The following LRP6 variants were observed in gnomAD, a reference collection of about 807,000 sequenced individuals.
LRP6 encodes the protein LDL receptor related protein 6.
Under a neutral mutation model 184.1 loss-of-function variants are expected in LRP6, and 43 were observed. The ratio of observed to expected loss-of-function variants is 0.23; its 90% CI spans 0.18 to 0.30. LRP6 has a LOEUF of 0.30. LRP6 is among the 10% of genes least tolerant of loss of function. The probability of loss-of-function intolerance (pLI) is 1.00; values close to 1 mark genes in which losing one functional copy is unlikely to be tolerated. For synonymous variants in LRP6, 719 were observed against 684.9 expected (o/e 1.05, Z -0.78); for missense variants, 1,571 against 2,005.3 (o/e 0.78, Z 4.14).
chr12:12,132,141 A>T, intron 17 of LRP6, 84 bp from the exon 18 acceptor site: 2 of 834,104 alleles, frequency 2.4e-6, no homozygotes, highest in South Asian at 2.7e-5. Flanking sequence ...AGTGAAGCTC[A>T]TTTAATAATT....
chr12:12,162,108 A>C, intron 10 of LRP6, 85 bp downstream of exon 10: 1 of 1,043,214 alleles, frequency 9.6e-7, no homozygotes. Context: ...ATTATTTAAA[A>C]CATTAAGAAT....
intron 1 of LRP6, among the ~76,000 whole-genome samples, chr12:12,260,133 C>A (rs1465417146): frequency 6.6e-6 from 1 of 152,112 alleles, no homozygotes; most frequent in East Asian, 1.9e-4. Context: ...AATCCCAGCA[C>A]TTTGGGAGGC....
intron 3 of LRP6, among the ~76,000 whole-genome samples, chr12:12,197,686 GCAA>G (rs936803042): frequency 6.6e-5 from 10 of 152,270 alleles, no homozygotes; most frequent in African/African-American, 1.9e-4. Context: ...CTTACTTGAT[GCAA>G]CAATATAAAG....
intron 2 of LRP6, chr12:12,210,780 G>C (rs1257512223): frequency 6.6e-6 from 1 of 152,172 alleles, no homozygotes; most frequent in Non-Finnish European, 1.5e-5. Context: ...AATGCAGCCA[G>C]TGAAAATAGT....
intron 2 of LRP6, among the ~76,000 whole-genome samples, chr12:12,237,733 A>C (rs1162252340): frequency 6.6e-6 from 1 of 152,234 alleles, no homozygotes; most frequent in Non-Finnish European, 1.5e-5. Context: ...CGTTCTACAA[A>C]TGACTGGCCA....
At chr12:12,179,083 A>G (rs1366502890) in intron 7 of LRP6, among the ~76,000 whole-genome samples, 2 of 152,200 alleles carry the variant, frequency 1.3e-5, no homozygotes, top group Non-Finnish European at 2.9e-5. Context: ...AGCAAAGTCT[A>G]ATTCAAAGTT....
chr12:12,203,487 C>G (rs1863969679), intron 2 of LRP6, 87 bp from the exon 3 acceptor site: 1 of 1,116,702 alleles, frequency 9.0e-7, no homozygotes, highest in Admixed American at 1.8e-5. Context: ...AAAGCTCAGG[C>G]CGCGCGCAGT....
chr12:12,236,452 C>G (rs1591975550), intron 2 of LRP6, among the ~76,000 whole-genome samples: 1 of 152,188 alleles, frequency 6.6e-6, no homozygotes, highest in Admixed American at 6.5e-5. Context: ...CATAACAGAA[C>G]ATTTCTGACA....
chr12:12,185,106 G>A (rs1393711103), intron 4 of LRP6, among the ~76,000 whole-genome samples: 8 of 152,014 alleles, frequency 5.3e-5, no homozygotes, highest in African/African-American at 2.4e-5. Flanking sequence ...ACCAGCCTGG[G>A]TCACCAACAT....
At chr12:12,173,768 G>T (rs750836891) in intron 7 of LRP6, among the ~76,000 whole-genome samples, 10 of 152,148 alleles carry the variant, frequency 6.6e-5, no homozygotes, top group Non-Finnish European at 1.3e-4. Flanking sequence ...TTACAAGTGT[G>T]AGCCACTGTG....
chr12:12,166,114 G>A (rs1027115642), intron 7 of LRP6, among the ~76,000 whole-genome samples: 1 of 151,780 alleles, frequency 6.6e-6, no homozygotes, highest in Non-Finnish European at 1.5e-5. Flanking sequence ...ACCTTTTTTG[G>A]GGGGGTAGGA....
intron 1 of LRP6, among the ~76,000 whole-genome samples, chr12:12,245,993 A>G (rs930278412): frequency 1.5e-4 from 20 of 135,196 alleles, no homozygotes; most frequent in African/African-American, 5.2e-4. Flanking sequence ...AATTTTATAT[A>G]AACTTTTTTT....
At chr12:12,164,919 TAAAAAAAAAAAAAAAAA>T (rs58540250) in intron 8 of LRP6, among the ~76,000 whole-genome samples, 143 bp downstream of exon 8, 1,503 of 57,102 alleles carry the variant, frequency 0.026, 33 homozygotes, top group Middle Eastern at 0.2. Context: ...CCCTTCTCAG[TAAAAAAAAAAAAAAAAA>T]AAAAAAAAAA....
At chr12:12,189,478 T>C (rs1863558537) in intron 3 of LRP6, among the ~76,000 whole-genome samples, 1 of 152,186 alleles carries the variant, frequency 6.6e-6, no homozygotes, top group South Asian at 2.1e-4. Context: ...CAATGGCTTA[T>C]TAGAATCAGT....
At chr12:12,125,540 A>C (rs564391375) in intron 20 of LRP6, 108 bp from the exon 21 acceptor site, 8 of 947,936 alleles carry the variant, frequency 8.4e-6, no homozygotes, top group Middle Eastern at 3.0e-4. Context: ...AAGTAGTCTG[A>C]TTTTAAAATA....
intron 7 of LRP6, among the ~76,000 whole-genome samples, chr12:12,175,560 G>T (rs890407053): frequency 2.6e-5 from 4 of 151,420 alleles, no homozygotes; most frequent in African/African-American, 9.7e-5. Context: ...GGTAGCAGAC[G>T]CCTGTAGTCC....
intron 1 of LRP6, among the ~76,000 whole-genome samples, chr12:12,248,527 G>A (rs1865244683): frequency 7.7e-6 from 1 of 129,198 alleles, no homozygotes; most frequent in Non-Finnish European, 1.6e-5. Flanking sequence ...TGTCGCCCAG[G>A]CTGGAGTGCA....
At chr12:12,192,509 T>G (rs1475542269) in intron 3 of LRP6, among the ~76,000 whole-genome samples, 1 of 152,006 alleles carries the variant, frequency 6.6e-6, no homozygotes, top group African/African-American at 2.4e-5. Context: ...GGTTACACTA[T>G]ATGCTGTTTA....
At chr12:12,137,488 T>C (rs1242545181) in intron 16 of LRP6, among the ~76,000 whole-genome samples, 1 of 152,146 alleles carries the variant, frequency 6.6e-6, no homozygotes, top group Non-Finnish European at 1.5e-5. Flanking sequence ...GGAATTGAAA[T>C]ATTTATCCCA....
Sources: gnomAD v4.1 joint callset for allele counts (sites outside exome capture counted in the v4.1 genomes callset) on GRCh38, gnomAD v4.1.1 for gene constraint, MANE v1.5 for transcripts, NCBI Gene and HGNC (gene_info 2026-07-23, HGNC 2026-07-21) for gene names.